Variants in LRRC4C observed in about 807,000 individuals in gnomAD.
LRRC4C encodes leucine rich repeat containing 4C, also known as leucine-rich repeat-containing protein 4C.
Under a neutral mutation model 33.6 loss-of-function variants are expected in LRRC4C, and 5 were observed. The observed-to-expected ratio is 0.15, with a 90% CI of 0.08 to 0.31. The LOEUF is 0.31. Among genes scored for constraint, LRRC4C ranks in the 10% least tolerant of loss-of-function variants. The pLI, the probability that LRRC4C is intolerant of heterozygous loss-of-function variation, is 1.00. For synonymous variants in LRRC4C, 329 were observed against 302.0 expected, an observed-to-expected ratio of 1.09 and a Z score of -0.93; for missense variants, 560 against 796.7, an observed-to-expected ratio of 0.70 and a Z score of 3.58.
rs535725083 is a variant in LRRC4C at position 40,888,804 on chromosome 11, G to T, written c.-407+44831C>A. Among the ~76,000 whole-genome samples, 346 of 152,018 alleles carry T rather than the reference G, an allele frequency of 2.3e-3. 1 individual carries two copies. Among genetic ancestry groups the T allele is most frequent in the African/African-American group, 8.1e-3 (335 of 41,538 alleles). On this transcript the variant is annotated intron_variant, in intron 2 of 6. Coordinates refer to ENST00000528697, the MANE Select transcript of LRRC4C (RefSeq NM_001258419.2). ...TGAAGGTTCTCATGTGTACATTTATGATTTTAGAGGTAAATGCTTATGAAG... is the reference window on the plus strand; with the variant it reads ...TGAAGGTTCTCATGTGTACATTTATTATTTTAGAGGTAAATGCTTATGAAG...
intron 3 of LRRC4C, among the ~76,000 whole-genome samples, chr11:40,352,140 T>A (rs1409362405): frequency 7.3e-6 from 1 of 136,058 alleles, no homozygotes; most frequent in Non-Finnish European, 1.7e-5. Context: ...CCTTCCTTCC[T>A]TCCTTCCTTC....
chr11:40,877,295 C>T (rs896636838), intron 2 of LRRC4C, among the ~76,000 whole-genome samples: 6 of 152,060 alleles, frequency 3.9e-5, no homozygotes, highest in Admixed American at 3.3e-4. Flanking sequence ...TTCAGTTTTC[C>T]CGACATGTAA....
chr11:40,898,728 G>T (rs1956078068), intron 2 of LRRC4C, among the ~76,000 whole-genome samples: 1 of 151,644 alleles, frequency 6.6e-6, no homozygotes, highest in South Asian at 2.1e-4. Context: ...AATGTTTAAG[G>T]TATGAATTTT....
chr11:41,445,275 A>T (rs991544254), intron 1 of LRRC4C, among the ~76,000 whole-genome samples: 4 of 152,212 alleles, frequency 2.6e-5, no homozygotes, highest in Non-Finnish European at 1.5e-5. Flanking sequence ...ATATCTCATA[A>T]AGAGTGCATG....
chr11:40,562,865 T>C lies in LRRC4C; in HGVS notation c.-270+85277A>G, dbSNP rs1204329221. On this transcript the variant is annotated intron_variant, in intron 3 of 6. Coordinates refer to ENST00000528697, the MANE Select transcript of LRRC4C (RefSeq NM_001258419.2). ...CTCATCTTTGTTCCTTGGCTCCTCA[T>C]GTCTGACTGAGGCTTTCTTAGCGTG... Among the ~76,000 whole-genome samples, 3 of 152,112 alleles carry C rather than the reference T, an allele frequency of 2.0e-5. No individual in the cohort carries two copies. In the East Asian group the frequency reaches 5.8e-4, roughly 29 times the overall value.
intron 1 of LRRC4C, among the ~76,000 whole-genome samples, chr11:41,096,155 A>G (rs1940797583): frequency 6.6e-6 from 1 of 152,204 alleles, no homozygotes; most frequent in African/African-American, 2.4e-5. Context: ...ATTATAATAT[A>G]TATAGGGGCA....
At chr11:41,418,606 G>A (rs1158797597) in intron 1 of LRRC4C, among the ~76,000 whole-genome samples, 1 of 151,998 alleles carries the variant, frequency 6.6e-6, no homozygotes, top group Non-Finnish European at 1.5e-5. Context: ...CGCCAGCTAG[G>A]GGGGTTGGTG....
chr11:40,924,191 G>C (rs1957318754), intron 2 of LRRC4C, among the ~76,000 whole-genome samples: 1 of 151,182 alleles, frequency 6.6e-6, no homozygotes, highest in South Asian at 2.1e-4. Flanking sequence ...TTGTAGCAAG[G>C]ATCCAGTCCA....
rs77683172 is a variant in LRRC4C at position 40,495,813 on chromosome 11, G to GTTTTTTTTTTTTT, written c.-270+152316_-270+152328dup. Among the ~76,000 whole-genome samples the GTTTTTTTTTTTTT allele has an allele frequency of 1.6e-3, 109 of 67,000 alleles. 31 individuals are homozygous for GTTTTTTTTTTTTT. Among genetic ancestry groups the GTTTTTTTTTTTTT allele is most frequent in the African/African-American group, 2.1e-3 (33 of 15,814 alleles). The allele number at this position is 67,000 out of a possible 152,430, so 44.0% of individuals were successfully genotyped here. Reference sequence around the variant, plus strand: ...TTTTATTGAAGTTCTCAATAAACATGTTTTTTTTTTTTTTTTTTTTTTTTT... The same window carrying GTTTTTTTTTTTTT: ...TTTTATTGAAGTTCTCAATAAACATGTTTTTTTTTTTTTTTTTTTTTTTTTTTTTTTTTTTTTT... On this transcript the variant is annotated intron_variant, in intron 3 of 6. Coordinates refer to ENST00000528697, the MANE Select transcript of LRRC4C (RefSeq NM_001258419.2).
At chr11:40,907,165 T>G (rs1956459934) in intron 2 of LRRC4C, among the ~76,000 whole-genome samples, 1 of 152,250 alleles carries the variant, frequency 6.6e-6, no homozygotes, top group Admixed American at 6.5e-5. Flanking sequence ...TCAACATCTT[T>G]GGCTGAAACT....
At position 40,665,388 on chromosome 11, in the gene LRRC4C, T is replaced by G. The variant is rs11036002; in HGVS notation, c.-406-17110A>C. On this transcript the variant is annotated intron_variant, in intron 2 of 6. Transcript: ENST00000528697. ...TGTATATATATATATATATATATAT[T>G]ATTAGGGGTAGGAGTGAGAGGCTCA... Among the ~76,000 whole-genome samples the G allele has an allele frequency of 1.4e-3, 139 of 101,316 alleles. 1 individual carries two copies. The highest frequency in any genetic ancestry group is 5.6e-3 in the African/African-American group (137 of 24,586). 66.5% of individuals were successfully genotyped at this position (101,316 alleles called of 152,430 possible). A position where few individuals can be genotyped will look rare whatever the true frequency, so the allele number is the denominator to read the frequency against.
At chr11:41,269,551 C>G (rs544499724) in intron 1 of LRRC4C, among the ~76,000 whole-genome samples, 17 of 152,042 alleles carry the variant, frequency 1.1e-4, no homozygotes, top group Non-Finnish European at 1.8e-4. Flanking sequence ...CCTGGACCAC[C>G]AGGGAGAAGG....
At chr11:40,229,140 T>G (rs775448247) in intron 5 of LRRC4C, among the ~76,000 whole-genome samples, 4 of 152,230 alleles carry the variant, frequency 2.6e-5, no homozygotes, top group Non-Finnish European at 5.9e-5. Context: ...TTCTACCTAT[T>G]CAAGGAATAA....
chr11:40,616,478 C>A (rs1204427076), intron 3 of LRRC4C, among the ~76,000 whole-genome samples: 1 of 151,608 alleles, frequency 6.6e-6, no homozygotes, highest in African/African-American at 2.4e-5. Flanking sequence ...TATTGCGGCA[C>A]TATTCACAAT....
At chr11:40,301,022 G>A (rs1944749455) in intron 4 of LRRC4C, among the ~76,000 whole-genome samples, 1 of 152,156 alleles carries the variant, frequency 6.6e-6, no homozygotes, top group South Asian at 2.1e-4. Flanking sequence ...CCACAGATAT[G>A]GAGGGTTACC....
intron 3 of LRRC4C, among the ~76,000 whole-genome samples, chr11:40,513,778 C>G (rs1361803469): frequency 6.6e-6 from 1 of 152,166 alleles, no homozygotes; most frequent in Non-Finnish European, 1.5e-5. Flanking sequence ...CAGACAGACC[C>G]TTACAGAAGT....
intron 5 of LRRC4C, among the ~76,000 whole-genome samples, chr11:40,219,958 T>C (rs7925066): frequency 0.75 from 113,594 of 152,114 alleles, 46,285 homozygotes; most frequent in East Asian, 0.96. Context: ...TTCTTTGTAG[T>C]AACATTTTTA....
chr11:40,470,181 G>GA (rs1392958269), intron 3 of LRRC4C, among the ~76,000 whole-genome samples: 1 of 152,108 alleles, frequency 6.6e-6, no homozygotes, highest in Non-Finnish European at 1.5e-5. Flanking sequence ...GCTTTCAATG[G>GA]AAAAAACAGG....
At chr11:41,435,208 A>C (rs1308949391) in intron 1 of LRRC4C, among the ~76,000 whole-genome samples, 3 of 152,212 alleles carry the variant, frequency 2.0e-5, no homozygotes, top group Admixed American at 2.0e-4. Flanking sequence ...AATAAATCTA[A>C]GATGATATTA....
Sources: allele counts gnomAD v4.1 joint callset (sites outside exome capture counted in the v4.1 genomes callset), GRCh38; gene constraint gnomAD v4.1.1; transcripts MANE v1.5; gene names NCBI Gene and HGNC (gene_info 2026-07-23, HGNC 2026-07-21).